Variants in KAT6B observed in about 807,000 individuals in gnomAD.
The protein encoded by KAT6B is lysine acetyltransferase 6B.
A neutral mutation model predicts 187.5 loss-of-function variants in KAT6B; 10 were observed. The ratio of observed to expected loss-of-function variants is 0.05; its 90% confidence interval spans 0.03 to 0.09. The LOEUF is 0.09. KAT6B is among the 10% of genes least tolerant of loss of function. The probability of loss-of-function intolerance (pLI) is 1.00; values close to 1 mark genes in which losing one functional copy is unlikely to be tolerated. For missense variants in KAT6B, 1,952 were observed against 2,558.9 expected (o/e 0.76, Z 5.12); for synonymous variants, 861 against 926.8 (o/e 0.93, Z 1.29).
intron 3 of KAT6B, among the ~76,000 whole-genome samples, chr10:74,947,203 G>A (rs1264269631): frequency 6.6e-6 from 1 of 152,102 alleles, no homozygotes; most frequent in African/African-American, 2.4e-5. Flanking sequence ...TGCCATGTTG[G>A]CCAGGCTGGT....
At chr10:74,830,731 CATATATATAT>C (rs1198969374) in intron 1 of KAT6B, among the ~76,000 whole-genome samples, 739 of 17,186 alleles carry the variant, frequency 0.043, 32 homozygotes, top group African/African-American at 0.11. Context: ...CACAGCTCTT[CATATATATAT>C]ATATATATAT....
intron 3 of KAT6B, among the ~76,000 whole-genome samples, chr10:74,932,816 G>C (rs1848982504): frequency 6.6e-6 from 1 of 152,116 alleles, no homozygotes; most frequent in Non-Finnish European, 1.5e-5. Context: ...CTGTCCATCT[G>C]TTCTCCTCCA....
intron 3 of KAT6B, among the ~76,000 whole-genome samples, chr10:74,874,832 A>G (rs983540689): frequency 3.3e-5 from 5 of 150,220 alleles, no homozygotes; most frequent in African/African-American, 9.8e-5. Flanking sequence ...GTGTGTGTGT[A>G]TGTGTGTGTG....
intron 3 of KAT6B, among the ~76,000 whole-genome samples, chr10:74,845,105 G>A (rs1842002078): frequency 6.6e-6 from 1 of 152,166 alleles, no homozygotes; most frequent in Non-Finnish European, 1.5e-5. Context: ...TGTAGTCCCA[G>A]CTACTTGGGA....
At chr10:74,864,997 A>T (rs1158476169) in intron 3 of KAT6B, among the ~76,000 whole-genome samples, 2 of 152,248 alleles carry the variant, frequency 1.3e-5, no homozygotes, top group African/African-American at 4.8e-5. Flanking sequence ...TAAGACATAT[A>T]TGAGTACATT....
At chr10:74,989,875 A>G (rs1843019926) in intron 13 of KAT6B, among the ~76,000 whole-genome samples, 1 of 152,126 alleles carries the variant, frequency 6.6e-6, no homozygotes, top group African/African-American at 2.4e-5. Flanking sequence ...CAGATAACCC[A>G]TGATAATAGT....
intron 3 of KAT6B, among the ~76,000 whole-genome samples, chr10:74,933,271 A>G (rs1007032210): frequency 4.6e-5 from 7 of 152,242 alleles, no homozygotes; most frequent in African/African-American, 9.6e-5. Flanking sequence ...TAGCCTAGAC[A>G]TAAGTAACTC....
chr10:75,014,602 C>T (rs1844853578), intron 13 of KAT6B, among the ~76,000 whole-genome samples: 1 of 152,138 alleles, frequency 6.6e-6, no homozygotes, highest in South Asian at 2.1e-4. Flanking sequence ...GAGGCCAAAG[C>T]ATTTGAAAAC....
chr10:74,900,970 CTAAG>C (rs935737479), intron 3 of KAT6B, among the ~76,000 whole-genome samples: 1 of 151,984 alleles, frequency 6.6e-6, no homozygotes, highest in African/African-American at 2.4e-5. Context: ...CTTGAGTGTC[CTAAG>C]TGTGTGTCCT....
At chr10:75,006,842 G>T (rs1025171024) in intron 13 of KAT6B, among the ~76,000 whole-genome samples, 2 of 34,318 alleles carry the variant, frequency 5.8e-5, no homozygotes, top group Non-Finnish European at 1.1e-4. Context: ...CGAGGCAGGC[G>T]GATTGCCTGA....
chr10:74,849,855 A>C (rs1272326616), intron 3 of KAT6B, among the ~76,000 whole-genome samples: 1 of 152,064 alleles, frequency 6.6e-6, no homozygotes, highest in Admixed American at 6.5e-5. Context: ...TGATAGAGCT[A>C]GTGAGTGGTG....
rs144859302 is a variant in KAT6B at position 75,031,674 on chromosome 10, A to G, written c.*628A>G. ...GTAAAGAGCTATAAAAGCTATTCCC[A>G]TTTGGTTAGTCAAAAGGGTTTTATT... On this transcript the variant is annotated 3_prime_UTR_variant, in exon 18 of 18. Coordinates refer to ENST00000287239, the MANE Select transcript of KAT6B (RefSeq NM_012330.4). 6.8e-3 allele frequency: 1,426 copies of G among 210,530 alleles called. 17 individuals are homozygous for G. The highest frequency in any genetic ancestry group is 0.022 in the East Asian group (309 of 13,868). 13.0% of individuals were successfully genotyped at this position (210,530 alleles called of 1,614,324 possible).
chr10:74,926,966 G>A (rs1270310338), intron 3 of KAT6B, among the ~76,000 whole-genome samples: 1 of 152,174 alleles, frequency 6.6e-6, no homozygotes, highest in African/African-American at 2.4e-5. Flanking sequence ...TAATAATGAT[G>A]TAAGAGTTAA....
intron 3 of KAT6B, among the ~76,000 whole-genome samples, chr10:74,952,653 T>C (rs1413435286): frequency 6.6e-6 from 1 of 151,726 alleles, no homozygotes; most frequent in Non-Finnish European, 1.5e-5. Flanking sequence ...CAGTACAGTG[T>C]AACAAGGGAG....
At chr10:75,025,606 G>T in intron 17 of KAT6B, 3 of 266,784 alleles carry the variant, frequency 1.1e-5, no homozygotes, top group Non-Finnish European at 1.5e-5. Context: ...CTGAAATCAA[G>T]GTATATATTA....
At chr10:74,916,227 C>G (rs1230894783) in intron 3 of KAT6B, among the ~76,000 whole-genome samples, 3 of 152,146 alleles carry the variant, frequency 2.0e-5, no homozygotes, top group African/African-American at 7.2e-5. Context: ...TATAGTGACC[C>G]TGTGAGACAT....
At chr10:75,027,130 C>T (rs1481526282) in intron 17 of KAT6B, among the ~76,000 whole-genome samples, 1 of 152,180 alleles carries the variant, frequency 6.6e-6, no homozygotes, top group African/African-American at 2.4e-5. Flanking sequence ...CAGAGCAAGA[C>T]TCCGTCTCAA....
intron 3 of KAT6B, among the ~76,000 whole-genome samples, chr10:74,865,761 G>A (rs750518879): frequency 2.0e-4 from 31 of 152,020 alleles, no homozygotes; most frequent in African/African-American, 6.3e-4. Context: ...AGTGATCCTC[G>A]TGCCTTGGCC....
intron 3 of KAT6B, among the ~76,000 whole-genome samples, chr10:74,860,954 A>T (rs1161877429): frequency 6.6e-6 from 1 of 152,216 alleles, no homozygotes; most frequent in Non-Finnish European, 1.5e-5. Context: ...CCTGACCAAC[A>T]TGGAGAAACC....
Sources: allele counts gnomAD v4.1 joint callset (sites outside exome capture counted in the v4.1 genomes callset), GRCh38; gene constraint gnomAD v4.1.1; transcripts MANE v1.5; gene names NCBI Gene and HGNC (gene_info 2026-07-23, HGNC 2026-07-21).